Variants in PIBF1 observed in about 807,000 individuals in gnomAD.
PIBF1 encodes the protein progesterone-induced-blocking factor 1.
A neutral mutation model predicts 112.5 loss-of-function variants in PIBF1; 90 were observed. The observed-to-expected ratio is 0.80, with a 90% CI of 0.67 to 0.95. PIBF1 has a LOEUF of 0.95. Among genes scored for constraint, PIBF1 ranks in the 40% least tolerant of loss-of-function variants. PIBF1 has a pLI of 0.00. For synonymous variants in PIBF1, 301 were observed against 288.6 expected (o/e 1.04, Z -0.44); for missense variants, 915 against 852.3 (o/e 1.07, Z -0.92).
intron 16 of PIBF1, among the ~76,000 whole-genome samples, chr13:72,991,281 G>GTCA (rs924036728): frequency 1.5e-5 from 2 of 130,992 alleles, no homozygotes; most frequent in Non-Finnish European, 3.0e-5. Context: ...TTATGCAGTC[G>GTCA]TCATCATCAT....
intron 10 of PIBF1, among the ~76,000 whole-genome samples, chr13:72,859,062 T>C (rs1566368495): frequency 6.6e-6 from 1 of 152,206 alleles, no homozygotes; most frequent in Non-Finnish European, 1.5e-5. Context: ...GCTTTTTTCA[T>C]TGTCAGACGT....
chr13:72,788,192 T>C (rs1169062418), intron 2 of PIBF1, among the ~76,000 whole-genome samples: 2 of 152,146 alleles, frequency 1.3e-5, no homozygotes, highest in Non-Finnish European at 2.9e-5. Context: ...TGATCTTAAG[T>C]TTCTGAGCTT....
intron 10 of PIBF1, among the ~76,000 whole-genome samples, chr13:72,855,064 AATT>A (rs2038355207): frequency 6.6e-6 from 1 of 152,170 alleles, no homozygotes; most frequent in Non-Finnish European, 1.5e-5. Context: ...TTCATTTTAA[AATT>A]ATTTCAGAAA....
At chr13:72,861,625 C>T (rs2038702292) in intron 10 of PIBF1, among the ~76,000 whole-genome samples, 1 of 152,050 alleles carries the variant, frequency 6.6e-6, no homozygotes, top group African/African-American at 2.4e-5. Context: ...AGTGCAGTGG[C>T]ATGATCTCGG....
rs577200983 is a variant in PIBF1, at chr13:72,896,645, C to T, written c.1488+2696C>T. 7.2e-4 allele frequency among the ~76,000 whole-genome samples: 109 copies of T among 151,910 alleles called. 1 individual carries two copies. The highest frequency in any genetic ancestry group is 2.3e-3 in the African/African-American group (94 of 41,442). ...AACTTTGGACATGCTTTTAAAAATG[C>T]GAAATGTTCTGGAAAGTCTCAGCAA... is the stretch of plus-strand genomic sequence containing the variant. On this transcript the variant is annotated intron_variant, in intron 11 of 17. Transcript: ENST00000326291.
At chr13:72,958,256 A>G (rs1437699776) in intron 14 of PIBF1, among the ~76,000 whole-genome samples, 2 of 148,392 alleles carry the variant, frequency 1.3e-5, no homozygotes, top group African/African-American at 5.1e-5. Context: ...TCTGCAGTGA[A>G]CTATGATTCC....
At chr13:72,818,253 C>T (rs1442289351) in intron 5 of PIBF1, among the ~76,000 whole-genome samples, 1 of 152,126 alleles carries the variant, frequency 6.6e-6, no homozygotes, top group Non-Finnish European at 1.5e-5. Context: ...CATCTGGATA[C>T]CCCAACTTAC....
chr13:73,008,968 C>G (rs981788945), intron 17 of PIBF1, among the ~76,000 whole-genome samples: 2 of 152,188 alleles, frequency 1.3e-5, no homozygotes, highest in African/African-American at 4.8e-5. Context: ...TGTTCAGTCT[C>G]TCACATACAG....
At chr13:72,876,450 G>A (rs1003198618) in intron 10 of PIBF1, among the ~76,000 whole-genome samples, 2 of 151,876 alleles carry the variant, frequency 1.3e-5, no homozygotes, top group East Asian at 1.9e-4. Flanking sequence ...TTTAGAATCC[G>A]TTTGTCTATA....
chr13:72,794,127 T>C (rs2035072609), intron 3 of PIBF1, among the ~76,000 whole-genome samples: 1 of 152,128 alleles, frequency 6.6e-6, no homozygotes, highest in Admixed American at 6.5e-5. Flanking sequence ...GGAAGCCAGG[T>C]GATGAAAATG....
rs144568401 is a variant in PIBF1 at position 72,821,899 on chromosome 13, A to G, written c.723A>G (p.Gln241=). The part of the protein sequence containing the change: ...KNYSEVQIRC[Q]RLALELADTK... ...ACTCTGAAGTTCAAATTAGATGTCA[A>G]CGTTTGGCCTTAGAATTAGCAGACA... The change falls in exon 6 of 18, where the codon CAA becomes CAG. Residue 241 remains glutamine (Q), a synonymous_variant. Transcript: ENST00000326291. 8.4e-4 allele frequency: 1,353 copies of G among 1,612,866 alleles called. No homozygotes were observed. The highest frequency in any genetic ancestry group is 1.3e-3 in the Admixed American group (76 of 59,926).
intron 9 of PIBF1, among the ~76,000 whole-genome samples, chr13:72,835,752 A>G (rs562152648): frequency 6.6e-6 from 1 of 152,326 alleles, no homozygotes; most frequent in African/African-American, 2.4e-5. Flanking sequence ...AAATATACAT[A>G]TGCCTCATTT....
intron 14 of PIBF1, among the ~76,000 whole-genome samples, chr13:72,934,333 C>G (rs935291971): frequency 1.3e-5 from 2 of 152,236 alleles, no homozygotes; most frequent in South Asian, 2.1e-4. Context: ...GAGTCTCGCT[C>G]TCTCGCCCAG....
At chr13:72,953,270 C>G (rs2042351464) in intron 14 of PIBF1, among the ~76,000 whole-genome samples, 1 of 152,212 alleles carries the variant, frequency 6.6e-6, no homozygotes, top group Non-Finnish European at 1.5e-5. Flanking sequence ...ACCTGTGCCT[C>G]TGATGAAAAA....
intron 10 of PIBF1, among the ~76,000 whole-genome samples, chr13:72,886,397 A>G (rs1204998848): frequency 6.6e-6 from 1 of 151,434 alleles, no homozygotes; most frequent in Non-Finnish European, 1.5e-5. Flanking sequence ...CAAAAGGGAA[A>G]ACAGACCCAA....
At chr13:72,826,987 C>G (rs1262034941) in intron 6 of PIBF1, 23 bp from the exon 7 acceptor site, 4 of 1,442,354 alleles carry the variant, frequency 2.8e-6, no homozygotes, top group Non-Finnish European at 3.8e-6. Flanking sequence ...ATTTACATGT[C>G]TCTTTGAATT....
chr13:72,869,778 A>G (rs955848957), intron 10 of PIBF1, among the ~76,000 whole-genome samples: 5 of 151,928 alleles, frequency 3.3e-5, no homozygotes, highest in African/African-American at 1.2e-4. Flanking sequence ...AGGCATAGCT[A>G]AAGGTTGTGG....
At chr13:72,818,430 C>CT (rs1381317487) in intron 5 of PIBF1, among the ~76,000 whole-genome samples, 1 of 152,094 alleles carries the variant, frequency 6.6e-6, no homozygotes, top group East Asian at 1.9e-4. Context: ...TAGTGATTGC[C>CT]TTTTCTCCAT....
At chr13:72,841,160 C>G (rs2037593011) in intron 9 of PIBF1, among the ~76,000 whole-genome samples, 1 of 152,120 alleles carries the variant, frequency 6.6e-6, no homozygotes, top group Non-Finnish European at 1.5e-5. Flanking sequence ...ATGCTTTGGT[C>G]CAGTTTGTGA....
Sources: gnomAD v4.1 joint callset for allele counts (sites outside exome capture counted in the v4.1 genomes callset) on GRCh38, gnomAD v4.1.1 for gene constraint, MANE v1.5 for transcripts, NCBI Gene and HGNC (gene_info 2026-07-23, HGNC 2026-07-21) for gene names.